The following SCAPER variants were observed in gnomAD, a reference collection of about 807,000 sequenced individuals.
The protein encoded by SCAPER is S phase cyclin A-associated protein in the endoplasmic reticulum.
Under a neutral mutation model 182.2 loss-of-function variants are expected in SCAPER, and 98 were observed. The ratio of observed to expected loss-of-function variants is 0.54; its 90% CI spans 0.46 to 0.64. The LOEUF (loss-of-function observed/expected upper bound fraction) is 0.64, where lower values mean the gene tolerates loss of function less well. Among genes scored for constraint, SCAPER ranks in the 30% least tolerant of loss-of-function variants. The pLI, the probability that SCAPER is intolerant of heterozygous loss-of-function variation, is 0.00. For synonymous variants in SCAPER, 605 were observed against 564.6 expected (o/e 1.07, Z -1.01); for missense variants, 1,432 against 1,690.0 (o/e 0.85, Z 2.68).
At chr15:76,897,664 G>A (rs866700271) in intron 1 of SCAPER, among the ~76,000 whole-genome samples, 7 of 151,816 alleles carry the variant, frequency 4.6e-5, no homozygotes, top group African/African-American at 9.7e-5. Flanking sequence ...CCGAGATCAC[G>A]CCACTGCACT....
intron 17 of SCAPER, among the ~76,000 whole-genome samples, chr15:76,717,578 T>C (rs2059956245): frequency 6.6e-6 from 1 of 152,152 alleles, no homozygotes; most frequent in African/African-American, 2.4e-5. Context: ...GTGCCAGAAA[T>C]TGTTATCAAC....
In SCAPER at chr15:76,774,944, A is replaced by T. The variant is rs866214076; in HGVS notation, c.946T>A (p.Phe316Ile). 1.2e-6 allele frequency: 2 copies of T among 1,613,770 alleles called. 1 individual carries two copies. Among genetic ancestry groups the T allele is most frequent in the Middle Eastern group, 3.3e-4 (2 of 6,054 alleles). ...GTATTAGAAGTTCCATCTCCAACAA[A>T]TTGACCTTTCTGTATGCTTTCATCA... ...LPDESIQKGQ[F>I]VGDGTSNTIE... Residue 316 changes from phenylalanine (F) to isoleucine (I), a missense_variant, in exon 9 of 32, where the codon TTT becomes ATT. This residue lies in a region of SCAPER where 480 missense variants were observed against 510.2 expected (regional missense o/e 0.94). Transcript: ENST00000563290.
Position 76,766,945 on chromosome 15 carries a change from A to T in SCAPER, c.1392T>A (p.Ile464=), listed in dbSNP as rs1368674014. The T allele has an allele frequency of 1.2e-6, 2 of 1,604,060 alleles. No individual in the cohort carries two copies. The highest frequency in any genetic ancestry group is 1.7e-6 in the Non-Finnish European group (2 of 1,177,356). Residue 464 remains isoleucine, a synonymous_variant, in exon 11 of 32, where the codon ATT becomes ATA. Transcript: ENST00000563290. ...AAAAATCACTGTCGTTGTCAGTTTC[A>T]ATGTTAATATCATTGTTTTCTTCAG... ...IEAEENNDIN[I]ETDNDSDFSA...
chr15:76,675,367 GAA>G (rs1212269701), intron 20 of SCAPER, among the ~76,000 whole-genome samples: 1 of 152,172 alleles, frequency 6.6e-6, no homozygotes, highest in Non-Finnish European at 1.5e-5. Context: ...CTGCAAGTTT[GAA>G]ATCTGTTATA....
rs2040329510 is a variant in SCAPER at position 76,348,665 on chromosome 15, G to A, written c.4171C>T (p.Arg1391Ter). 6.4e-7 allele frequency: 1 copy of A among 1,551,646 alleles called. No individual in the cohort carries two copies. The highest frequency in any genetic ancestry group is 8.7e-7 in the Non-Finnish European group (1 of 1,146,622). ...TTCTCTTTTTTCAAGAAAAACTGTC[G>A]AGCTTCTTCCCAGGCCTGCTGAGGA... is the stretch of plus-strand genomic sequence containing the variant. ...RFPQQAWEEA[R>*]QFFLKKEKK The change falls in exon 32 of 32, where the codon CGA becomes TGA. Residue 1391 changes from arginine to a stop codon, truncating the protein, a stop_gained. Transcript: ENST00000563290. LOFTEE classifies it high-confidence loss of function.
rs554624686 is a variant in SCAPER at position 76,905,137 on chromosome 15, T to C, written c.-60+162A>G. 38 of 154,762 alleles carry C rather than the reference T, an allele frequency of 2.5e-4. No individual in the cohort carries two copies. The South Asian group carries it at 6.0e-3, about 25-fold the overall frequency. The allele number at this position is 154,762 out of a possible 1,614,324, so 9.6% of individuals were successfully genotyped here. ...CGCGGCTCCCCTCCCCCAGCAACGA[T>C]CCCTGCCCCGCTCAACTCGCACTCC... On this transcript the variant is annotated intron_variant, in intron 1 of 31. Transcript: ENST00000563290.
chr15:76,770,164 T>C (rs1393138645), intron 10 of SCAPER, among the ~76,000 whole-genome samples: 1 of 117,322 alleles, frequency 8.5e-6, no homozygotes, highest in Non-Finnish European at 1.6e-5. Context: ...TGAGAACACA[T>C]GGACACAGGG....
intron 14 of SCAPER, among the ~76,000 whole-genome samples, chr15:76,756,809 T>C (rs958185328): frequency 5.9e-5 from 9 of 152,212 alleles, no homozygotes; most frequent in Admixed American, 1.3e-4. Context: ...AGGTTAATAA[T>C]TATAATTGTC....
intron 28 of SCAPER, among the ~76,000 whole-genome samples, chr15:76,376,702 C>CT (rs1313063637): frequency 1.3e-5 from 2 of 152,082 alleles, no homozygotes; most frequent in African/African-American, 2.4e-5. Flanking sequence ...AATTCCAACA[C>CT]TTTTTTTTCT....
chr15:76,705,690 T>C (rs924088195), intron 18 of SCAPER, among the ~76,000 whole-genome samples: 2 of 152,056 alleles, frequency 1.3e-5, no homozygotes, highest in African/African-American at 4.8e-5. Flanking sequence ...AATGTTAAAC[T>C]TCCTTAAATT....
intron 5 of SCAPER, among the ~76,000 whole-genome samples, chr15:76,831,149 T>C (rs1012882568): frequency 2.0e-5 from 3 of 152,118 alleles, no homozygotes; most frequent in African/African-American, 7.2e-5. Context: ...AGCATGGCCA[T>C]GGGCTCCCAT....
At chr15:76,786,831 G>A (rs2064646293) in intron 8 of SCAPER, among the ~76,000 whole-genome samples, 1 of 152,148 alleles carries the variant, frequency 6.6e-6, no homozygotes. Context: ...CACTCTAAAT[G>A]TCCATTGCAT....
intron 21 of SCAPER, among the ~76,000 whole-genome samples, chr15:76,633,296 T>C (rs528505842): frequency 6.6e-6 from 1 of 152,304 alleles, no homozygotes; most frequent in African/African-American, 2.4e-5. Flanking sequence ...AGCCTGCTCC[T>C]TCCTCTGGGA....
rs192949365 is a variant in SCAPER, at chr15:76,600,903, A to G, written c.2711+20861T>C. Among the ~76,000 whole-genome samples the G allele has an allele frequency of 1.3e-3, 162 of 122,118 alleles. 56 individuals carry two copies. Among genetic ancestry groups the G allele is most frequent in the Admixed American group, 2.5e-3 (27 of 10,742 alleles). 80.1% of individuals were successfully genotyped at this position (122,118 alleles called of 152,430 possible). ...GAAGTCAAAGTGAAAACAAAACAGA[A>G]AACAAAAAGATCGAATCTATACATT... On this transcript the variant is annotated intron_variant, in intron 22 of 31. Coordinates refer to ENST00000563290, the MANE Select transcript of SCAPER (RefSeq NM_020843.4).
At position 76,452,749 on chromosome 15, in the gene SCAPER, A is replaced by C. The variant is rs759000914; in HGVS notation, c.3079-18439T>G. Among the ~76,000 whole-genome samples, 98 of 152,342 alleles carry C rather than the reference A, an allele frequency of 6.4e-4. 1 individual carries two copies. Among genetic ancestry groups the C allele is most frequent in the Admixed American group, 3.4e-3 (52 of 15,292 alleles). ...TCTTATCAACTCATTCCAGGTTTCC[A>C]AAACTTTTATTTTTGTATTTTGTTA... On this transcript the variant is annotated intron_variant, in intron 25 of 31. Transcript: ENST00000563290.
At chr15:76,847,151 T>G (rs756469229) in intron 4 of SCAPER, among the ~76,000 whole-genome samples, 1 of 152,032 alleles carries the variant, frequency 6.6e-6, no homozygotes, top group East Asian at 1.9e-4. Context: ...ACCATATCAA[T>G]TGCACTCAGA....
chr15:76,357,185 CACA>C, intron 29 of SCAPER, among the ~76,000 whole-genome samples: 1 of 151,276 alleles, frequency 6.6e-6, no homozygotes, highest in Non-Finnish European at 1.5e-5. Context: ...CACACACACA[CACA>C]CCCCTATGGC....
intron 17 of SCAPER, among the ~76,000 whole-genome samples, chr15:76,714,452 C>T (rs1041903060): frequency 1.3e-5 from 2 of 151,974 alleles, no homozygotes; most frequent in Non-Finnish European, 2.9e-5. Context: ...TATTTGCATG[C>T]CCTGGGCCCC....
At chr15:76,883,400 T>C (rs1017831598) in intron 2 of SCAPER, among the ~76,000 whole-genome samples, 3 of 152,192 alleles carry the variant, frequency 2.0e-5, no homozygotes, top group African/African-American at 2.4e-5. Context: ...GAATTTCACA[T>C]CGGTCCCCAT....
Sources: gnomAD v4.1 joint callset for allele counts (sites outside exome capture counted in the v4.1 genomes callset) on GRCh38, gnomAD v4.1.1 for gene constraint, gnomAD v4.1.1 regional missense constraint, MANE v1.5 for transcripts, NCBI Gene and HGNC (gene_info 2026-07-23, HGNC 2026-07-21) for gene names.